The following ALG6 variants were observed in gnomAD, a reference collection of about 807,000 sequenced individuals.
ALG6 encodes dolichyl pyrophosphate Man9GlcNAc2 alpha-1,3-glucosyltransferase.
Under a neutral mutation model 66.6 loss-of-function variants are expected in ALG6, and 46 were observed. The observed-to-expected ratio is 0.69, with a 90% CI of 0.55 to 0.88. The LOEUF is 0.88. Among genes scored for constraint, ALG6 ranks in the 40% least tolerant of loss-of-function variants. The pLI is 0.00. For missense variants in ALG6, 505 were observed against 586.8 expected, an observed-to-expected ratio of 0.86 and a Z score of 1.44; for synonymous variants, 185 against 203.7, an observed-to-expected ratio of 0.91 and a Z score of 0.78.
chr1:63,373,161 G>A (rs1647990424), intron 2 of ALG6, among the ~76,000 whole-genome samples: 1 of 151,126 alleles, frequency 6.6e-6, no homozygotes, highest in East Asian at 2.0e-4. Flanking sequence ...CGTGCACCAC[G>A]ACGCCTGGCT....
chr1:63,414,046 CA>C lies in ALG6; in HGVS notation c.817-12del. On this transcript the variant is annotated splice_polypyrimidine_tract_variant and intron_variant, in intron 9 of 14. Transcript: ENST00000263440. ...CAATTATACCAGAATGTAAAGCTAACAAATCTCTTTTAAGGATAAAGTAGCC... is the reference window on the plus strand; with the variant it reads ...CAATTATACCAGAATGTAAAGCTAACAATCTCTTTTAAGGATAAAGTAGCC... 6.4e-7 allele frequency: 1 copy of C among 1,573,930 alleles called. No homozygotes were observed. Among genetic ancestry groups the C allele is most frequent in the Non-Finnish European group, 8.7e-7 (1 of 1,144,190 alleles).
At position 63,433,950 on chromosome 1, in the gene ALG6, A is replaced by C. The variant is rs1214148781; in HGVS notation, c.1327-2873A>C. On this transcript the variant is annotated intron_variant, in intron 14 of 14. Transcript: ENST00000263440. The surrounding 1 kb of genome is among the most constrained non-coding windows in gnomAD (Gnocchi z 4.2). ...AGTGGCAGGGCTTTCTTGAGCAAAG[A>C]ACCAAAGGAAGTAAACTGCAGATAA... 2.6e-5 allele frequency among the ~76,000 whole-genome samples: 4 copies of C among 152,226 alleles called. No homozygotes were observed. The highest frequency in any genetic ancestry group is 9.6e-5 in the African/African-American group (4 of 41,462).
rs191842450 is a variant in ALG6, at chr1:63,397,443, C to T, written c.167+846C>T. Among the ~76,000 whole-genome samples, 81 of 152,230 alleles carry T rather than the reference C, an allele frequency of 5.3e-4. 1 individual carries two copies. The highest frequency in any genetic ancestry group is 1.9e-3 in the African/African-American group (77 of 41,554). ...CTCGTGATCCACCCACCTTGACCTC[C>T]CAAAGTGCTGGGATTACAGGCTTGA... On this transcript the variant is annotated intron_variant, in intron 3 of 14. Transcript: ENST00000263440.
At chr1:63,412,344 A>G (rs1557591593) in intron 9 of ALG6, among the ~76,000 whole-genome samples, 1 of 152,136 alleles carries the variant, frequency 6.6e-6, no homozygotes, top group Non-Finnish European at 1.5e-5. Context: ...AGTAGCTGGG[A>G]CAACAGGGTG....
chr1:63,418,674 TAGG>T (rs1302786254), intron 11 of ALG6, among the ~76,000 whole-genome samples: 9 of 152,150 alleles, frequency 5.9e-5, no homozygotes, highest in African/African-American at 2.2e-4. Flanking sequence ...TGTTACCAAT[TAGG>T]AGATTATTGC....
chr1:63,434,890 C>G (rs181171214), intron 14 of ALG6, among the ~76,000 whole-genome samples: 1 of 152,062 alleles, frequency 6.6e-6, no homozygotes, highest in Admixed American at 6.5e-5. Flanking sequence ...GAGGAACCAG[C>G]AAAGATGTCT....
intron 2 of ALG6, among the ~76,000 whole-genome samples, chr1:63,385,454 G>T (rs1002512663): frequency 6.6e-6 from 1 of 151,876 alleles, no homozygotes; most frequent in Non-Finnish European, 1.5e-5. Flanking sequence ...CTTGTGATCT[G>T]CCCATCTCAG....
intron 2 of ALG6, among the ~76,000 whole-genome samples, chr1:63,383,964 C>T (rs116269538): frequency 1.0e-3 from 156 of 152,274 alleles, no homozygotes; most frequent in African/African-American, 3.5e-3. Flanking sequence ...ACATCATGAC[C>T]TCCAGTTCCA....
At chr1:63,401,598 A>AT (rs1003550900) in intron 3 of ALG6, among the ~76,000 whole-genome samples, 15 of 151,042 alleles carry the variant, frequency 9.9e-5, no homozygotes, top group African/African-American at 3.6e-4. Context: ...AAAAAAAAAA[A>AT]CCCAGGAGGC....
At position 63,375,352 on chromosome 1, in the gene ALG6, C is replaced by A. The variant is rs1411673129; in HGVS notation, c.82+4293C>A. 2.0e-5 allele frequency among the ~76,000 whole-genome samples: 3 copies of A among 151,372 alleles called. No homozygotes were observed. The East Asian group carries it at 5.9e-4, about 30-fold the overall frequency. ...ATCCGTTTCCTGGGTTCAAGCAATTCTCCTGCCTCAGCTTCCCGAGTAGCT... is the reference window on the plus strand; with the variant it reads ...ATCCGTTTCCTGGGTTCAAGCAATTATCCTGCCTCAGCTTCCCGAGTAGCT... On this transcript the variant is annotated intron_variant, in intron 2 of 14. Coordinates refer to ENST00000263440, the MANE Select transcript of ALG6 (RefSeq NM_013339.4).
At position 63,400,272 on chromosome 1, in the gene ALG6, T is replaced by C. The variant is rs1463493436; in HGVS notation, c.168-1982T>C. 9.1e-5 allele frequency among the ~76,000 whole-genome samples: 2 copies of C among 22,002 alleles called. 1 individual carries two copies. The highest frequency in any genetic ancestry group is 9.9e-4 in the African/African-American group (2 of 2,024). 14.4% of individuals were successfully genotyped at this position (22,002 alleles called of 152,430 possible). A position where few individuals can be genotyped will look rare whatever the true frequency, so the allele number is the denominator to read the frequency against. Reference sequence around the variant, plus strand: ...ATATATATGTATATATATATACGTATATATATATACGTATATATATATACG... The same window carrying C: ...ATATATATGTATATATATATACGTACATATATATACGTATATATATATACG... On this transcript the variant is annotated intron_variant, in intron 3 of 14. Transcript: ENST00000263440.
chr1:63,370,844 T>C lies in ALG6; in HGVS notation c.-134T>C. The C allele has an allele frequency of 1.4e-6, 1 of 722,460 alleles. No homozygotes were observed. Among genetic ancestry groups the C allele is most frequent in the Admixed American group, 2.1e-5 (1 of 47,488 alleles). 44.8% of individuals were successfully genotyped at this position (722,460 alleles called of 1,614,324 possible). ...CATCATTAAAATTCTCTCAAACTCC[T>C]AATTGCGAAGAATCGATAACATTTC... On this transcript the variant is annotated 5_prime_UTR_variant, in exon 2 of 15. Coordinates refer to ENST00000263440, the MANE Select transcript of ALG6 (RefSeq NM_013339.4).
chr1:63,424,771 T>A (rs975549257), intron 12 of ALG6, among the ~76,000 whole-genome samples: 1 of 142,414 alleles, frequency 7.0e-6, no homozygotes, highest in Non-Finnish European at 1.5e-5. Context: ...CCATTTTGAG[T>A]TAATTTTTTT....
intron 14 of ALG6, among the ~76,000 whole-genome samples, chr1:63,431,720 A>C (rs1264254412): frequency 6.6e-6 from 1 of 152,182 alleles, no homozygotes; most frequent in African/African-American, 2.4e-5. Flanking sequence ...TCAGTGTATA[A>C]GTTTTGGACT....
At chr1:63,426,306 C>G (rs1281684010) in intron 12 of ALG6, among the ~76,000 whole-genome samples, 1 of 152,016 alleles carries the variant, frequency 6.6e-6, no homozygotes, top group Non-Finnish European at 1.5e-5. Context: ...CACCATCAGG[C>G]CAAGTCACTT....
At chr1:63,398,858 A>G (rs1031961184) in intron 3 of ALG6, among the ~76,000 whole-genome samples, 4 of 152,134 alleles carry the variant, frequency 2.6e-5, no homozygotes, top group Non-Finnish European at 5.9e-5. Context: ...AATGATTTGT[A>G]TGATTTTTAA....
At chr1:63,411,030 A>G (rs1304360523) in intron 7 of ALG6, 116 bp from the exon 8 acceptor site, 17 of 992,180 alleles carry the variant, frequency 1.7e-5, no homozygotes, top group Non-Finnish European at 2.0e-5. Flanking sequence ...TTAAAATCAC[A>G]TAAGAGATAT....
chr1:63,392,304 G>A (rs1418112101), intron 2 of ALG6, among the ~76,000 whole-genome samples: 1 of 151,984 alleles, frequency 6.6e-6, no homozygotes, highest in Non-Finnish European at 1.5e-5. Flanking sequence ...CCAAGTAGCT[G>A]GGATTACAGG....
chr1:63,368,682 G>A (rs970162316), intron 1 of ALG6, among the ~76,000 whole-genome samples: 5 of 151,964 alleles, frequency 3.3e-5, no homozygotes, highest in Non-Finnish European at 7.4e-5. Context: ...TGTATTTTTA[G>A]TAGAGATGGG....
Sources: gnomAD v4.1 joint callset for allele counts (sites outside exome capture counted in the v4.1 genomes callset) on GRCh38, gnomAD v4.1.1 for gene constraint, Gnocchi (gnomAD v3.1) non-coding constraint, MANE v1.5 for transcripts, NCBI Gene and HGNC (gene_info 2026-07-23, HGNC 2026-07-21) for gene names.